PDLIM5: variants seen among roughly 807,000 people sequenced by gnomAD.
PDLIM5 encodes PDZ and LIM domain protein 5.
In PDLIM5, 34 loss-of-function variants were observed where a neutral mutation model predicts 64.2. The observed-to-expected ratio is 0.53, with a 90% CI of 0.40 to 0.71. The LOEUF (loss-of-function observed/expected upper bound fraction) is 0.71, where lower values mean the gene tolerates loss of function less well. Ranked by LOEUF, PDLIM5 falls within the 30% of genes least tolerant of loss-of-function variation. PDLIM5 has a pLI of 0.00. For missense variants in PDLIM5, 683 were observed against 733.6 expected, an observed-to-expected ratio of 0.93 and a Z score of 0.80; for synonymous variants, 253 against 269.1, an observed-to-expected ratio of 0.94 and a Z score of 0.59.
intron 8 of PDLIM5, among the ~76,000 whole-genome samples, chr4:94,635,214 A>T (rs1211296231): frequency 6.6e-6 from 1 of 151,676 alleles, no homozygotes; most frequent in Non-Finnish European, 1.5e-5. Flanking sequence ...GGTACAAAAG[A>T]AAAAAAAAGT....
chr4:94,585,658 T>C lies in PDLIM5; in HGVS notation c.804T>C (p.Thr268=), dbSNP rs776586043. 1 of 1,613,526 alleles carries C rather than the reference T, an allele frequency of 6.2e-7. No homozygotes were observed. Among genetic ancestry groups the C allele is most frequent in the Non-Finnish European group, 8.5e-7 (1 of 1,179,628 alleles). The change falls in exon 6 of 13, where the codon ACT becomes ACC. Residue 268 remains threonine, a synonymous_variant. Coordinates refer to ENST00000317968, the MANE Select transcript of PDLIM5 (RefSeq NM_006457.5). ...DASKKRLIED[T]EDWRPRTGTT... is the part of the protein sequence containing the mutation. ...GCAAGAAGAGACTGATTGAGGATAC[T>C]GAAGACTGGCGTCCAAGGACTGGAA... is the stretch of plus-strand genomic sequence containing the variant.
At chr4:94,549,755 C>G in intron 3 of PDLIM5, 1 of 152,056 alleles carries the variant, frequency 6.6e-6, no homozygotes, top group East Asian at 1.9e-4. Context: ...AACATATTTT[C>G]CCTTTGTCTT....
At chr4:94,527,089 C>T (rs184744321) in intron 3 of PDLIM5, among the ~76,000 whole-genome samples, 6 of 112,140 alleles carry the variant, frequency 5.4e-5, no homozygotes, top group Admixed American at 2.2e-4. Context: ...CAGAGTCTCA[C>T]ACTGTCACCC....
intron 2 of PDLIM5, among the ~76,000 whole-genome samples, chr4:94,504,380 G>T (rs189048562): frequency 6.6e-6 from 1 of 151,752 alleles, no homozygotes; most frequent in Admixed American, 6.6e-5. Flanking sequence ...CTCCGCTCCC[G>T]GGTTCAAGCA....
chr4:94,488,711 T>C (rs907373355), intron 2 of PDLIM5, among the ~76,000 whole-genome samples: 5 of 152,252 alleles, frequency 3.3e-5, no homozygotes, highest in Admixed American at 2.6e-4. Context: ...AAAGTGTTTC[T>C]ACTTTTCGAG....
intron 3 of PDLIM5, among the ~76,000 whole-genome samples, chr4:94,563,211 G>T (rs990165511): frequency 6.6e-6 from 1 of 152,080 alleles, no homozygotes; most frequent in African/African-American, 2.4e-5. Flanking sequence ...CACTTTGAAT[G>T]CCTTGACTTA....
At chr4:94,484,536 A>T (rs966408376) in intron 2 of PDLIM5, among the ~76,000 whole-genome samples, 1 of 152,208 alleles carries the variant, frequency 6.6e-6, no homozygotes, top group East Asian at 1.9e-4. Flanking sequence ...ACTCTTTTAC[A>T]TGCATTCTTA....
chr4:94,509,017 A>G (rs189485006), intron 2 of PDLIM5, among the ~76,000 whole-genome samples: 2 of 152,230 alleles, frequency 1.3e-5, no homozygotes, highest in Admixed American at 6.5e-5. Context: ...ATTCCAAACC[A>G]TGTTTTATTA....
intron 7 of PDLIM5, among the ~76,000 whole-genome samples, chr4:94,591,749 T>G (rs1186657839): frequency 6.6e-6 from 1 of 152,228 alleles, no homozygotes; most frequent in Non-Finnish European, 1.5e-5. Context: ...TCCTACCCAC[T>G]CCTGCTTCCT....
At chr4:94,499,745 C>T (rs1727743500) in intron 2 of PDLIM5, among the ~76,000 whole-genome samples, 1 of 152,170 alleles carries the variant, frequency 6.6e-6, no homozygotes, top group Non-Finnish European at 1.5e-5. Flanking sequence ...TGAGCATTAC[C>T]ACCTGAGCTC....
chr4:94,582,909 T>A, intron 5 of PDLIM5: 1 of 570,128 alleles, frequency 1.8e-6, no homozygotes, highest in Non-Finnish European at 3.1e-6. Flanking sequence ...GCATCAGAGG[T>A]ATGTTTAGAA....
intron 8 of PDLIM5, among the ~76,000 whole-genome samples, chr4:94,619,379 G>A (rs192154292): frequency 3.0e-4 from 44 of 144,292 alleles, no homozygotes; most frequent in Admixed American, 3.0e-3. Flanking sequence ...GGTGGCTCAC[G>A]CCTGTAATCC....
chr4:94,514,679 A>C (rs1009306891), intron 2 of PDLIM5, among the ~76,000 whole-genome samples: 8 of 152,232 alleles, frequency 5.3e-5, no homozygotes, highest in African/African-American at 1.9e-4. Context: ...GCTTTTCTTT[A>C]CTGGGAGACT....
chr4:94,587,219 T>G, intron 7 of PDLIM5: 1 of 1,452,406 alleles, frequency 6.9e-7, no homozygotes, highest in East Asian at 2.8e-5. Flanking sequence ...AACAATTTCC[T>G]ATTGTTGTGA....
intron 7 of PDLIM5, 82 bp downstream of exon 7, chr4:94,586,526 A>G (rs1228663294): frequency 6.6e-5 from 52 of 782,400 alleles, no homozygotes; most frequent in South Asian, 1.2e-4. Context: ...GTCAAGTATA[A>G]TGGTATGGCA....
chr4:94,657,337 A>C, intron 10 of PDLIM5, 90 bp from the exon 11 acceptor site: 1 of 902,238 alleles, frequency 1.1e-6, no homozygotes, highest in South Asian at 1.7e-5. Flanking sequence ...GATTAGCTCT[A>C]CAGGGATTTA....
chr4:94,638,108 A>G (rs1329904673), intron 8 of PDLIM5, among the ~76,000 whole-genome samples: 2 of 152,190 alleles, frequency 1.3e-5, no homozygotes, highest in African/African-American at 4.8e-5. Flanking sequence ...TACATTTTAC[A>G]TTTCTTGAAT....
intron 2 of PDLIM5, among the ~76,000 whole-genome samples, chr4:94,459,754 G>C (rs769333297): frequency 7.0e-4 from 107 of 152,280 alleles, no homozygotes; most frequent in Admixed American, 2.9e-3. Flanking sequence ...TTGTTTGTGG[G>C]GGTTGGTTTC....
At chr4:94,489,305 G>C (rs1726642660) in intron 2 of PDLIM5, among the ~76,000 whole-genome samples, 1 of 152,130 alleles carries the variant, frequency 6.6e-6, no homozygotes, top group African/African-American at 2.4e-5. Flanking sequence ...GGGAATGCTT[G>C]ATGAATTATC....
Sources: allele counts gnomAD v4.1 joint callset (sites outside exome capture counted in the v4.1 genomes callset), GRCh38; gene constraint gnomAD v4.1.1; transcripts MANE v1.5; gene names NCBI Gene and HGNC (gene_info 2026-07-23, HGNC 2026-07-21).